The following PLCH1 variants were observed in gnomAD, a reference collection of about 807,000 sequenced individuals.
PLCH1 encodes the protein 1-phosphatidylinositol 4,5-bisphosphate phosphodiesterase eta-1.
In PLCH1, 60 loss-of-function variants were observed where a neutral mutation model predicts 126.7. That is an observed-to-expected ratio of 0.47 (90% CI 0.38 to 0.59). The LOEUF is 0.59. Ranked by LOEUF, PLCH1 falls within the 20% of genes least tolerant of loss-of-function variation. The pLI, the probability that PLCH1 is intolerant of heterozygous loss-of-function variation, is 0.00. For missense variants in PLCH1, 1,723 were observed against 2,040.0 expected, an observed-to-expected ratio of 0.84 and a Z score of 2.99; for synonymous variants, 719 against 734.9, an observed-to-expected ratio of 0.98 and a Z score of 0.35.
intron 1 of PLCH1, among the ~76,000 whole-genome samples, chr3:155,730,585 C>A (rs114318645): frequency 0.02 from 3,026 of 152,288 alleles, 96 homozygotes; most frequent in African/African-American, 0.069. Flanking sequence ...CCAGCTGCAA[C>A]CTAATTGTTG....
At chr3:155,522,581 G>A (rs1412366135) in intron 11 of PLCH1, among the ~76,000 whole-genome samples, 2 of 152,132 alleles carry the variant, frequency 1.3e-5, no homozygotes, top group Non-Finnish European at 2.9e-5. Flanking sequence ...TGAAAATAAT[G>A]CCAGCTCATT....
At chr3:155,652,876 C>T (rs536091405) in intron 2 of PLCH1, among the ~76,000 whole-genome samples, 9 of 152,322 alleles carry the variant, frequency 5.9e-5, no homozygotes, top group South Asian at 2.1e-4. Context: ...TGATACACTA[C>T]ACTTTGGCAG....
intron 21 of PLCH1, among the ~76,000 whole-genome samples, chr3:155,468,052 G>A (rs1025505786): frequency 3.3e-5 from 5 of 152,140 alleles, no homozygotes; most frequent in African/African-American, 4.8e-5. Flanking sequence ...ACCTTTTCAA[G>A]ACATAGTCAG....
intron 1 of PLCH1, chr3:155,743,349 T>C: frequency 2.5e-6 from 1 of 398,998 alleles, no homozygotes; most frequent in Non-Finnish European, 4.9e-6. Flanking sequence ...CTGGCCAATA[T>C]GGTGAAACCC....
At chr3:155,688,233 T>C (rs573079593) in intron 2 of PLCH1, among the ~76,000 whole-genome samples, 3 of 152,344 alleles carry the variant, frequency 2.0e-5, no homozygotes, top group East Asian at 3.9e-4. Context: ...ACAGAGGCCC[T>C]GAAATGCTTT....
chr3:155,458,460 AAG>A (rs575548866), intron 21 of PLCH1, among the ~76,000 whole-genome samples: 4 of 96,100 alleles, frequency 4.2e-5, no homozygotes, highest in Non-Finnish European at 3.7e-5. Context: ...GAAGGAAAGA[AAG>A]AAAGAAAGAA....
intron 21 of PLCH1, among the ~76,000 whole-genome samples, chr3:155,459,498 A>G (rs190449769): frequency 1.3e-5 from 2 of 152,364 alleles, no homozygotes; most frequent in Admixed American, 6.5e-5. Context: ...CTGGATTCAC[A>G]ATGTAAATTA....
At chr3:155,537,176 G>T (rs1382471457) in intron 10 of PLCH1, among the ~76,000 whole-genome samples, 2 of 101,702 alleles carry the variant, frequency 2.0e-5, no homozygotes, top group African/African-American at 4.1e-5. Context: ...CCACTACCAA[G>T]CTAGCACTAC....
chr3:155,593,945 C>A lies in PLCH1; in HGVS notation c.466G>T (p.Asp156Tyr). The change falls in exon 4 of 23, where the codon GAC (aspartate) becomes TAC (tyrosine). Residue 156 changes from aspartate (D) to tyrosine (Y), a missense_variant. Coordinates refer to ENST00000460012, the MANE Select transcript of PLCH1 (RefSeq NM_014996.4). ...ATAAAGTTCTAGAAAGGATATTGGT[C>A]ATGGGTCCTCTGCCTTTTGGCAAGG... ...DSLAKRQRTH[D>Y]QWVKQTFEEA... is the part of the protein sequence containing the mutation. 3 of 1,613,978 alleles carry A rather than the reference C, an allele frequency of 1.9e-6. No individual in the cohort carries two copies. The highest frequency in any genetic ancestry group is 2.2e-5 in the South Asian group (2 of 90,984).
intron 2 of PLCH1, among the ~76,000 whole-genome samples, chr3:155,627,234 A>C (rs1737419590): frequency 6.6e-6 from 1 of 152,194 alleles, no homozygotes; most frequent in African/African-American, 2.4e-5. Flanking sequence ...AATACCAAGG[A>C]TTTGTCCTGC....
intron 6 of PLCH1, among the ~76,000 whole-genome samples, chr3:155,575,583 A>G (rs1021139873): frequency 6.6e-6 from 1 of 152,216 alleles, no homozygotes; most frequent in Non-Finnish European, 1.5e-5. Context: ...TTCAGATGAA[A>G]CATTTATATA....
intron 2 of PLCH1, among the ~76,000 whole-genome samples, chr3:155,699,690 C>T (rs936829335): frequency 6.6e-6 from 1 of 152,168 alleles, no homozygotes; most frequent in Non-Finnish European, 1.5e-5. Flanking sequence ...TCTTTTCTTC[C>T]AGTGCAGATG....
intron 6 of PLCH1, among the ~76,000 whole-genome samples, chr3:155,576,275 CT>C (rs1269255863): frequency 1.3e-5 from 2 of 152,136 alleles, no homozygotes; most frequent in Non-Finnish European, 2.9e-5. Flanking sequence ...TCAATCAACT[CT>C]AGTAAATACT....
downstream of PLCH1, among the ~76,000 whole-genome samples, chr3:155,475,467 G>A (rs1271912647): frequency 2.0e-5 from 3 of 151,780 alleles, no homozygotes; most frequent in Non-Finnish European, 4.4e-5. Flanking sequence ...AAATAATAAA[G>A]ATCAGAGCAC....
At chr3:155,629,606 T>A (rs1040276398) in intron 2 of PLCH1, among the ~76,000 whole-genome samples, 3 of 152,196 alleles carry the variant, frequency 2.0e-5, no homozygotes, top group African/African-American at 7.2e-5. Context: ...TGACTCTCCA[T>A]TTGCAATAAC....
At chr3:155,604,078 G>T (rs890600958) in intron 2 of PLCH1, among the ~76,000 whole-genome samples, 1 of 152,130 alleles carries the variant, frequency 6.6e-6, no homozygotes, top group African/African-American at 2.4e-5. Flanking sequence ...CAGCCTGGGA[G>T]ATAGAGCAAG....
In PLCH1 at chr3:155,500,235, A is replaced by G. The variant is rs181837087; in HGVS notation, c.1796+468T>C. Among the ~76,000 whole-genome samples, 13 of 152,350 alleles carry G rather than the reference A, an allele frequency of 8.5e-5. No homozygotes were observed. The East Asian group carries it at 2.3e-3, about 27-fold the overall frequency. On this transcript the variant is annotated intron_variant, in intron 14 of 22. Coordinates refer to ENST00000460012, the MANE Select transcript of PLCH1 (RefSeq NM_014996.4). ...CTTATTTAATCAGGCCAGGGCTTAC[A>G]GGGCTAATTAGTTTAATTCCTTTAA...
chr3:155,453,191 T>C (rs1223131962), intron 21 of PLCH1, among the ~76,000 whole-genome samples: 1 of 152,084 alleles, frequency 6.6e-6, no homozygotes, highest in African/African-American at 2.4e-5. Context: ...GTCAAGACCA[T>C]GAAAGACAAA....
At chr3:155,678,028 G>T (rs775463653) in intron 2 of PLCH1, among the ~76,000 whole-genome samples, 1 of 152,118 alleles carries the variant, frequency 6.6e-6, no homozygotes, top group East Asian at 1.9e-4. Flanking sequence ...CTCTTGCTCG[G>T]TCCTGAAAAG....
Sources: allele counts gnomAD v4.1 joint callset (sites outside exome capture counted in the v4.1 genomes callset), GRCh38; gene constraint gnomAD v4.1.1; transcripts MANE v1.5; gene names NCBI Gene and HGNC (gene_info 2026-07-23, HGNC 2026-07-21).